The following LHFPL3 variants were observed in gnomAD, a reference collection of about 807,000 sequenced individuals.
LHFPL3 encodes the protein LHFPL tetraspan subfamily member 3.
A neutral mutation model predicts 19.3 loss-of-function variants in LHFPL3; 5 were observed. The ratio of observed to expected loss-of-function variants is 0.26; its 90% CI spans 0.14 to 0.54. The LOEUF (loss-of-function observed/expected upper bound fraction) is 0.54. Ranked by LOEUF, LHFPL3 falls within the 20% of genes least tolerant of loss-of-function variation. The probability of loss-of-function intolerance (pLI) is 0.94; values close to 1 mark genes in which losing one functional copy is unlikely to be tolerated. For missense variants in LHFPL3, 249 were observed against 307.4 expected (o/e 0.81, Z 1.42); for synonymous variants, 133 against 126.2 (o/e 1.05, Z -0.36).
chr7:104,522,651 A>G (rs1480925151), intron 1 of LHFPL3, among the ~76,000 whole-genome samples: 1 of 152,152 alleles, frequency 6.6e-6, no homozygotes. Context: ...CCAGCTGAAC[A>G]GACAGGATTT....
intron 2 of LHFPL3, among the ~76,000 whole-genome samples, chr7:104,829,409 C>T (rs1790893927): frequency 6.6e-6 from 1 of 151,524 alleles, no homozygotes; most frequent in South Asian, 2.1e-4. Flanking sequence ...ATACATGTGC[C>T]ATGTTGGTGT....
chr7:104,648,780 C>T (rs984566845), intron 1 of LHFPL3, among the ~76,000 whole-genome samples: 8 of 152,186 alleles, frequency 5.3e-5, no homozygotes, highest in African/African-American at 1.7e-4. Flanking sequence ...GAAAACAAGG[C>T]TCTAAAAGTA....
chr7:104,854,937 G>A (rs1211434868), intron 2 of LHFPL3, among the ~76,000 whole-genome samples: 1 of 152,104 alleles, frequency 6.6e-6, no homozygotes, highest in Non-Finnish European at 1.5e-5. Flanking sequence ...GACTATTAAC[G>A]TATCCACCCA....
At chr7:104,358,862 CCT>C (rs1357049180) in intron 1 of LHFPL3, among the ~76,000 whole-genome samples, 2 of 152,188 alleles carry the variant, frequency 1.3e-5, no homozygotes, top group Non-Finnish European at 2.9e-5. Flanking sequence ...TGGATCCTTT[CCT>C]CTGTGTATAG....
chr7:104,520,277 T>C (rs1370736932), intron 1 of LHFPL3, among the ~76,000 whole-genome samples: 4 of 151,190 alleles, frequency 2.6e-5, no homozygotes. Flanking sequence ...TGAACCAGCC[T>C]TGCATCCCAG....
rs191656562 is a variant in LHFPL3, at chr7:104,907,939, T to A, written c.*1724T>A. 6.6e-6 allele frequency among the ~76,000 whole-genome samples: 1 copy of A among 152,286 alleles called. No individual in the cohort carries two copies. Among genetic ancestry groups the A allele is most frequent in the East Asian group, 1.9e-4 (1 of 5,188 alleles). On this transcript the variant is annotated 3_prime_UTR_variant, in exon 3 of 3. Transcript: ENST00000424859. Reference sequence around the variant, plus strand: ...GATGTGGCTTTTCTAAAGAACCAAATTAAGGGAATACTTAGTATCTACAAC... The same window carrying A: ...GATGTGGCTTTTCTAAAGAACCAAAATAAGGGAATACTTAGTATCTACAAC...
At chr7:104,535,677 C>G (rs1051398957) in intron 1 of LHFPL3, among the ~76,000 whole-genome samples, 2 of 152,160 alleles carry the variant, frequency 1.3e-5, no homozygotes, top group African/African-American at 4.8e-5. Context: ...CAAAAAAGCC[C>G]TGTGCCCGTG....
At chr7:104,435,801 A>G (rs1792093029) in intron 1 of LHFPL3, among the ~76,000 whole-genome samples, 1 of 151,996 alleles carries the variant, frequency 6.6e-6, no homozygotes. Context: ...GGATAACTAT[A>G]AAATGGCTAT....
At chr7:104,619,651 T>C (rs1791408106) in intron 1 of LHFPL3, among the ~76,000 whole-genome samples, 1 of 152,182 alleles carries the variant, frequency 6.6e-6, no homozygotes, top group Admixed American at 6.6e-5. Context: ...AGTTTATTCC[T>C]TTAATCAGTA....
intron 1 of LHFPL3, among the ~76,000 whole-genome samples, chr7:104,644,529 C>T (rs1791895309): frequency 6.6e-6 from 1 of 152,178 alleles, no homozygotes; most frequent in Non-Finnish European, 1.5e-5. Context: ...GGAATCTGTC[C>T]TAAGACTCAG....
intron 1 of LHFPL3, among the ~76,000 whole-genome samples, chr7:104,625,406 G>C (rs1791524257): frequency 6.6e-6 from 1 of 152,166 alleles, no homozygotes; most frequent in Non-Finnish European, 1.5e-5. Flanking sequence ...GCACGCCTCA[G>C]TTCCACAATA....
chr7:104,680,145 C>CT (rs1311778659), intron 1 of LHFPL3, among the ~76,000 whole-genome samples: 1 of 152,116 alleles, frequency 6.6e-6, no homozygotes, highest in Non-Finnish European at 1.5e-5. Flanking sequence ...ATGAGCTGAA[C>CT]GTGAAGGACA....
chr7:104,603,102 CTTT>C (rs1434551704), intron 1 of LHFPL3, among the ~76,000 whole-genome samples: 2 of 135,760 alleles, frequency 1.5e-5, no homozygotes, highest in African/African-American at 5.7e-5. Context: ...TTCTTTCTTT[CTTT>C]CTTTCTTTCT....
intron 2 of LHFPL3, among the ~76,000 whole-genome samples, chr7:104,871,943 C>T (rs1477636182): frequency 6.6e-6 from 1 of 152,024 alleles, no homozygotes; most frequent in Non-Finnish European, 1.5e-5. Context: ...CAGGTGTGAG[C>T]CACCATGCCC....
At chr7:104,793,971 G>A (rs141094736) in intron 2 of LHFPL3, among the ~76,000 whole-genome samples, 88 of 152,268 alleles carry the variant, frequency 5.8e-4, no homozygotes, top group East Asian at 4.4e-3. Context: ...AGAGAGGCTC[G>A]GTGTGGATGG....
intron 1 of LHFPL3, among the ~76,000 whole-genome samples, chr7:104,516,806 A>G (rs915194176): frequency 2.0e-5 from 3 of 152,142 alleles, no homozygotes; most frequent in African/African-American, 4.8e-5. Context: ...TATATACCCA[A>G]AGGAATATAA....
At chr7:104,517,164 GAGA>G (rs2115792055) in intron 1 of LHFPL3, among the ~76,000 whole-genome samples, 1 of 152,212 alleles carries the variant, frequency 6.6e-6, no homozygotes, top group Non-Finnish European at 1.5e-5. Flanking sequence ...TGGGAGGAGG[GAGA>G]AGATCAGCAA....
intron 1 of LHFPL3, among the ~76,000 whole-genome samples, chr7:104,701,755 A>AT: frequency 6.6e-6 from 1 of 152,286 alleles, no homozygotes; most frequent in Admixed American, 6.5e-5. Flanking sequence ...GGTATTGTCT[A>AT]TTTTTACTCA....
intron 1 of LHFPL3, among the ~76,000 whole-genome samples, chr7:104,714,571 T>C (rs1259650347): frequency 6.6e-6 from 1 of 151,780 alleles, no homozygotes; most frequent in East Asian, 1.9e-4. Flanking sequence ...TGCCTCGGAG[T>C]TCATATAACC....
Sources: gnomAD v4.1 joint callset for allele counts (sites outside exome capture counted in the v4.1 genomes callset) on GRCh38, gnomAD v4.1.1 for gene constraint, MANE v1.5 for transcripts, NCBI Gene and HGNC (gene_info 2026-07-23, HGNC 2026-07-21) for gene names.